The following PTPRN2 variants were observed in gnomAD, a reference collection of about 807,000 sequenced individuals.
PTPRN2 encodes the protein protein tyrosine phosphatase receptor type N2.
In PTPRN2, 74 loss-of-function variants were observed where a neutral mutation model predicts 118.8. The ratio of observed to expected loss-of-function variants is 0.62; its 90% confidence interval spans 0.52 to 0.76. The LOEUF is 0.76. PTPRN2 is among the 30% of genes least tolerant of loss of function. The pLI is 0.00. For synonymous variants in PTPRN2, 641 were observed against 608.0 expected (o/e 1.05, Z -0.80); for missense variants, 1,481 against 1,394.4 (o/e 1.06, Z -0.99).
rs1034965667 is a variant in PTPRN2, at chr7:158,023,069, G to A, written c.1723+58229C>T. Among the ~76,000 whole-genome samples the A allele has an allele frequency of 3.3e-5, 5 of 152,152 alleles. No homozygotes were observed. In the South Asian group the frequency reaches 6.2e-4, roughly 19 times the overall value. The stretch of plus-strand genomic sequence containing the variant: ...CAAAAATCACGGCACAAAGCAGAAC[G>A]GTGGCTGTTTTCTTGTGACTCATTA... On this transcript the variant is annotated intron_variant, in intron 11 of 22. Coordinates refer to ENST00000389418, the MANE Select transcript of PTPRN2 (RefSeq NM_002847.5).
At chr7:158,354,293 C>A (rs1241859801) in intron 2 of PTPRN2, among the ~76,000 whole-genome samples, 1 of 152,114 alleles carries the variant, frequency 6.6e-6, no homozygotes, top group Non-Finnish European at 1.5e-5. Flanking sequence ...CGTTCAGTGC[C>A]AAGACACAGA....
At chr7:158,448,654 C>T (rs550998122) in intron 2 of PTPRN2, among the ~76,000 whole-genome samples, 2 of 152,334 alleles carry the variant, frequency 1.3e-5, no homozygotes, top group East Asian at 1.9e-4. Context: ...GCAGTCCCAC[C>T]TTAAGGTCAG....
intron 10 of PTPRN2, among the ~76,000 whole-genome samples, chr7:158,098,361 C>T (rs1054838955): frequency 9.9e-5 from 15 of 152,196 alleles, no homozygotes; most frequent in African/African-American, 3.4e-4. Flanking sequence ...CTCCGAGGGA[C>T]GGGCGGCGGG....
intron 3 of PTPRN2, among the ~76,000 whole-genome samples, chr7:158,239,423 C>T (rs1465079405): frequency 1.3e-5 from 2 of 152,146 alleles, no homozygotes; most frequent in East Asian, 1.9e-4. Context: ...CACAAGCCAA[C>T]GCTCCGTAGC....
intron 6 of PTPRN2, among the ~76,000 whole-genome samples, chr7:158,156,406 C>G (rs983392148): frequency 2.0e-5 from 3 of 152,134 alleles, no homozygotes; most frequent in African/African-American, 7.2e-5. Context: ...CGACAGGTAA[C>G]GCAGCTCACC....
chr7:158,005,410 G>A (rs1404904267), intron 11 of PTPRN2, among the ~76,000 whole-genome samples: 3 of 152,056 alleles, frequency 2.0e-5, no homozygotes, highest in Non-Finnish European at 2.9e-5. Flanking sequence ...TTATGGTGGC[G>A]AATATGGAAA....
intron 14 of PTPRN2, among the ~76,000 whole-genome samples, chr7:157,634,654 G>A (rs1312104760): frequency 1.3e-5 from 2 of 152,070 alleles, no homozygotes; most frequent in African/African-American, 4.8e-5. Context: ...GGGGCCGTAC[G>A]ACCTCTTCCA....
In PTPRN2 at chr7:157,622,834, G is replaced by A. The variant is rs529998389; in HGVS notation, c.2197-1325C>T. Among the ~76,000 whole-genome samples, 4 of 152,262 alleles carry A rather than the reference G, an allele frequency of 2.6e-5. No individual in the cohort carries two copies. The highest frequency in any genetic ancestry group is 9.6e-5 in the African/African-American group (4 of 41,548). ...CTTGAGCTAGTTGGGAAAAGCAGAG[G>A]GACTCCAGTGCCGTTGAGAAGCCGC... On this transcript the variant is annotated intron_variant, in intron 14 of 22. Coordinates refer to ENST00000389418, the MANE Select transcript of PTPRN2 (RefSeq NM_002847.5). This position sits in a 1 kb window ranked among gnomAD's most constrained non-coding sequence, Gnocchi z 5.3.
At chr7:157,621,919 T>C (rs1803277357) in intron 14 of PTPRN2, among the ~76,000 whole-genome samples, 1 of 152,064 alleles carries the variant, frequency 6.6e-6, no homozygotes, top group Non-Finnish European at 1.5e-5. Flanking sequence ...CTGGGTGTGA[T>C]GCAGTTGAGA....
At chr7:157,900,768 G>A (rs1395303722) in intron 11 of PTPRN2, among the ~76,000 whole-genome samples, 1 of 152,200 alleles carries the variant, frequency 6.6e-6, no homozygotes, top group Admixed American at 6.5e-5. Context: ...AGTTCATGGT[G>A]TGCAGGCTGC....
chr7:158,188,802 C>A (rs192096067), intron 5 of PTPRN2, among the ~76,000 whole-genome samples: 1 of 152,074 alleles, frequency 6.6e-6, no homozygotes, highest in South Asian at 2.1e-4. Context: ...CAGAGCACTC[C>A]GGGGCGTGTG....
At chr7:158,284,341 G>A (rs1490848486) in intron 3 of PTPRN2, among the ~76,000 whole-genome samples, 1 of 151,962 alleles carries the variant, frequency 6.6e-6, no homozygotes, top group Admixed American at 6.5e-5. Context: ...AGTCAGCCGG[G>A]CACTGGGCAC....
intron 6 of PTPRN2, among the ~76,000 whole-genome samples, chr7:158,156,551 T>G (rs1035389731): frequency 2.0e-5 from 3 of 152,202 alleles, no homozygotes; most frequent in Non-Finnish European, 2.9e-5. Context: ...TGGGAACAGT[T>G]ACCTCGAAAA....
chr7:158,270,549 G>A (rs1430886135), intron 3 of PTPRN2, among the ~76,000 whole-genome samples: 2 of 152,136 alleles, frequency 1.3e-5, no homozygotes, highest in Non-Finnish European at 2.9e-5. Context: ...CCTGCAGTGG[G>A]TGCTGCTATC....
At chr7:158,288,966 T>C (rs1238207987) in intron 3 of PTPRN2, among the ~76,000 whole-genome samples, 1 of 152,196 alleles carries the variant, frequency 6.6e-6, no homozygotes, top group Non-Finnish European at 1.5e-5. Context: ...GTTGGCCATT[T>C]TTTTCCTTCA....
intron 1 of PTPRN2, among the ~76,000 whole-genome samples, chr7:158,568,545 G>A (rs773030959): frequency 6.6e-6 from 1 of 151,730 alleles, no homozygotes; most frequent in Admixed American, 6.6e-5. Flanking sequence ...CAAATACTGG[G>A]GTAAATCATA....
chr7:157,809,988 A>T (rs557616946), intron 12 of PTPRN2, among the ~76,000 whole-genome samples: 38 of 152,230 alleles, frequency 2.5e-4, no homozygotes, highest in African/African-American at 9.1e-4. Flanking sequence ...GTGCGTGGGG[A>T]GGAGATCAGG....
chr7:157,621,665 A>G (rs1373897261), intron 14 of PTPRN2, among the ~76,000 whole-genome samples, 156 bp from the exon 15 acceptor site: 1 of 152,284 alleles, frequency 6.6e-6, no homozygotes, highest in African/African-American at 2.4e-5. Flanking sequence ...TACGGTGCAC[A>G]ATGCATATCA....
chr7:158,304,514 C>T (rs1251653538), intron 3 of PTPRN2, among the ~76,000 whole-genome samples: 2 of 150,834 alleles, frequency 1.3e-5, no homozygotes, highest in South Asian at 2.1e-4. Context: ...ATAAGACACC[C>T]GTCAATAGGC....
Sources: gnomAD v4.1 joint callset for allele counts (sites outside exome capture counted in the v4.1 genomes callset) on GRCh38, gnomAD v4.1.1 for gene constraint, Gnocchi (gnomAD v3.1) non-coding constraint, MANE v1.5 for transcripts, NCBI Gene and HGNC (gene_info 2026-07-23, HGNC 2026-07-21) for gene names.